EFCAB6: variants seen among roughly 807,000 people sequenced by gnomAD.
EFCAB6 encodes EF-hand calcium binding domain 6.
Under a neutral mutation model 169.8 loss-of-function variants are expected in EFCAB6, and 156 were observed. The ratio of observed to expected loss-of-function variants is 0.92; its 90% CI spans 0.81 to 1.05. The LOEUF (loss-of-function observed/expected upper bound fraction) is 1.05, where lower values mean the gene tolerates loss of function less well. Among genes scored for constraint, EFCAB6 ranks in the 50% least tolerant of loss-of-function variants. The probability of loss-of-function intolerance (pLI) is 0.00; values close to 1 mark genes in which losing one functional copy is unlikely to be tolerated. For missense variants in EFCAB6, 1,800 were observed against 1,829.1 expected, an observed-to-expected ratio of 0.98 and a Z score of 0.29; for synonymous variants, 698 against 676.4, an observed-to-expected ratio of 1.03 and a Z score of -0.50.
In EFCAB6 at chr22:43,528,809, C is replaced by A; in HGVS notation, c.*44G>T. ...TTATAGGATTTTATTAGCCTTGAAA[C>A]AGGCCCTGTGGCTGTCGTCCCGCTG... On this transcript the variant is annotated 3_prime_UTR_variant, in exon 32 of 32. Coordinates refer to ENST00000262726, the MANE Select transcript of EFCAB6 (RefSeq NM_022785.4). 1.3e-6 allele frequency: 2 copies of A among 1,535,530 alleles called. No individual in the cohort carries two copies. The highest frequency in any genetic ancestry group is 1.2e-5 in the South Asian group (1 of 81,700).
chr22:43,735,964 T>C lies in EFCAB6; in HGVS notation c.537A>G (p.Lys179=). ...TGTTAACATCAATGAGCTCAAAGGC[T>C]TTCATAACAGTCTTAATGTTTTTGA... ...KVFKNIKTVM[K]AFELIDVNKT... The change falls in exon 7 of 32, where the codon AAA becomes AAG. Residue 179 remains lysine (K), a synonymous_variant. Transcript: ENST00000262726. 3.1e-6 allele frequency: 5 copies of C among 1,613,764 alleles called. No homozygotes were observed. Among genetic ancestry groups the C allele is most frequent in the Non-Finnish European group, 4.2e-6 (5 of 1,179,932 alleles).
At chr22:43,793,870 G>A (rs2062401060) in intron 2 of EFCAB6, among the ~76,000 whole-genome samples, 1 of 152,120 alleles carries the variant, frequency 6.6e-6, no homozygotes, top group East Asian at 1.9e-4. Flanking sequence ...GAAATAACAT[G>A]ATTTGTTATT....
intron 26 of EFCAB6, among the ~76,000 whole-genome samples, chr22:43,569,553 C>T (rs2049698975): frequency 6.6e-6 from 1 of 152,224 alleles, no homozygotes; most frequent in African/African-American, 2.4e-5. Context: ...TGCCTGGTTC[C>T]CACTGAACCA....
chr22:43,591,124 G>GT (rs1169720525), intron 23 of EFCAB6, among the ~76,000 whole-genome samples: 198 of 114,134 alleles, frequency 1.7e-3, no homozygotes, highest in East Asian at 4.9e-3. Flanking sequence ...TTTTTTTTTT[G>GT]TTTTTTTTTT....
intron 17 of EFCAB6, among the ~76,000 whole-genome samples, chr22:43,644,610 A>G (rs2056034402): frequency 6.6e-6 from 1 of 152,260 alleles, no homozygotes. Context: ...CCTTCAGCAC[A>G]GACTGATGGT....
In EFCAB6 at chr22:43,651,618, C is replaced by T. The variant is rs192994167; in HGVS notation, c.1983+15486G>A. ...TCCTCCAAACCCCAGAACGGTAGAT[C>T]CACTGAAAGCTTGGACCATGCTCCT... On this transcript the variant is annotated intron_variant, in intron 17 of 31. Transcript: ENST00000262726. Among the ~76,000 whole-genome samples, 616 of 152,338 alleles carry T rather than the reference C, an allele frequency of 4.0e-3. 3 individuals are homozygous for T. The highest frequency in any genetic ancestry group is 0.014 in the Middle Eastern group (4 of 294).
intron 8 of EFCAB6, among the ~76,000 whole-genome samples, chr22:43,727,730 G>T (rs1330514311): frequency 6.6e-6 from 1 of 152,054 alleles, no homozygotes; most frequent in Non-Finnish European, 1.5e-5. Context: ...ATGTATATTA[G>T]AAACCTTATT....
chr22:43,657,979 A>G (rs2056826814), intron 17 of EFCAB6, among the ~76,000 whole-genome samples: 1 of 152,230 alleles, frequency 6.6e-6, no homozygotes, highest in South Asian at 2.1e-4. Context: ...CTGTAATCCC[A>G]GCACTTTGGG....
intron 4 of EFCAB6, 46 bp from the exon 5 acceptor site, chr22:43,765,439 C>A (rs2061297096): frequency 1.4e-6 from 2 of 1,456,580 alleles, no homozygotes; most frequent in East Asian, 2.3e-5. Flanking sequence ...GAATTAAGAT[C>A]CAAGCAATAG....
intron 2 of EFCAB6, among the ~76,000 whole-genome samples, chr22:43,804,993 C>T (rs952893231): frequency 6.6e-6 from 1 of 152,080 alleles, no homozygotes; most frequent in Admixed American, 6.5e-5. Context: ...CACCAAAAAC[C>T]TGTTAGAACT....
intron 10 of EFCAB6, among the ~76,000 whole-genome samples, chr22:43,706,295 T>C (rs1225285915): frequency 6.6e-6 from 1 of 152,256 alleles, no homozygotes; most frequent in Non-Finnish European, 1.5e-5. Flanking sequence ...CTGTGGCTGC[T>C]TCTCCTGCCT....
At chr22:43,559,606 C>G (rs1216144447) in intron 26 of EFCAB6, among the ~76,000 whole-genome samples, 1 of 152,148 alleles carries the variant, frequency 6.6e-6, no homozygotes, top group Non-Finnish European at 1.5e-5. Flanking sequence ...AGACTTGGAA[C>G]CAACCCAAAT....
intron 17 of EFCAB6, among the ~76,000 whole-genome samples, chr22:43,660,231 G>T (rs568863441): frequency 6.6e-6 from 1 of 152,128 alleles, no homozygotes; most frequent in African/African-American, 2.4e-5. Context: ...CCCATGTGTC[G>T]TTGGGTATTT....
chr22:43,696,043 T>C (rs533326432), intron 10 of EFCAB6, among the ~76,000 whole-genome samples: 1 of 152,042 alleles, frequency 6.6e-6, no homozygotes, highest in South Asian at 2.1e-4. Context: ...TGAGGGAAAA[T>C]ATCTGAAAAC....
intron 9 of EFCAB6, among the ~76,000 whole-genome samples, chr22:43,714,640 G>A (rs2059270882): frequency 6.6e-6 from 1 of 151,774 alleles, no homozygotes; most frequent in African/African-American, 2.4e-5. Context: ...AATGCTAGAA[G>A]ACAATGGAAA....
chr22:43,647,223 A>G (rs2056216336), intron 17 of EFCAB6, among the ~76,000 whole-genome samples: 2 of 152,110 alleles, frequency 1.3e-5, no homozygotes, highest in African/African-American at 4.8e-5. Flanking sequence ...AATAACACCT[A>G]TTAACCATGG....
intron 26 of EFCAB6, among the ~76,000 whole-genome samples, chr22:43,561,542 G>A (rs977911816): frequency 1.3e-5 from 2 of 152,050 alleles, no homozygotes; most frequent in South Asian, 2.1e-4. Context: ...GAACCACACC[G>A]CCCCGCCCCC....
rs1556074176 is a variant in EFCAB6 at position 43,687,454 on chromosome 22, T to TG, written c.1142+16_1142+17insC. On this transcript the variant is annotated intron_variant, in intron 11 of 31. Coordinates refer to ENST00000262726, the MANE Select transcript of EFCAB6 (RefSeq NM_022785.4). ...TATGTGTAACTAAAATTTGTTTTTT[T>TG]TTTTTTTTTTACATACCTATTTCTT... is the stretch of plus-strand genomic sequence containing the variant. 6.6e-5 allele frequency: 91 copies of TG among 1,379,674 alleles called. 1 individual carries two copies. The East Asian group carries it at 7.2e-4, about 11-fold the overall frequency. The allele number at this position is 1,379,674 out of a possible 1,614,324, so 85.5% of individuals were successfully genotyped here.
chr22:43,771,763 C>A (rs991615689), intron 4 of EFCAB6, among the ~76,000 whole-genome samples: 2 of 152,304 alleles, frequency 1.3e-5, no homozygotes, highest in South Asian at 4.1e-4. Flanking sequence ...AACTGCATCA[C>A]CCCTGCTGCA....
Sources: gnomAD v4.1 joint callset for allele counts (sites outside exome capture counted in the v4.1 genomes callset) on GRCh38, gnomAD v4.1.1 for gene constraint, MANE v1.5 for transcripts, NCBI Gene and HGNC (gene_info 2026-07-23, HGNC 2026-07-21) for gene names.